The following INPP4B variants were observed in gnomAD, a reference collection of about 807,000 sequenced individuals.
INPP4B encodes inositol polyphosphate 4-phosphatase type II.
Under a neutral mutation model 122.5 loss-of-function variants are expected in INPP4B, and 55 were observed. The observed-to-expected ratio is 0.45, with a 90% confidence interval of 0.36 to 0.56. The LOEUF is 0.56. Among genes scored for constraint, INPP4B ranks in the 20% least tolerant of loss-of-function variants. The pLI, the probability that INPP4B is intolerant of heterozygous loss-of-function variation, is 0.00. For missense variants in INPP4B, 1,000 were observed against 1,097.7 expected (o/e 0.91, Z 1.26); for synonymous variants, 403 against 388.7 (o/e 1.04, Z -0.43).
intron 6 of INPP4B, among the ~76,000 whole-genome samples, chr4:142,404,273 C>T (rs550284710): frequency 6.6e-6 from 1 of 152,116 alleles, no homozygotes; most frequent in Non-Finnish European, 1.5e-5. Context: ...ATTCCACCAC[C>T]GCATCAAAGC....
At chr4:142,269,838 ATTGT>A (rs1296176923) in intron 10 of INPP4B, among the ~76,000 whole-genome samples, 1 of 152,174 alleles carries the variant, frequency 6.6e-6, no homozygotes, top group Non-Finnish European at 1.5e-5. Flanking sequence ...ATATACAATG[ATTGT>A]TTATTAAAAA....
chr4:142,562,869 G>T (rs1216128580), intron 2 of INPP4B, among the ~76,000 whole-genome samples: 1 of 152,060 alleles, frequency 6.6e-6, no homozygotes, highest in East Asian at 1.9e-4. Context: ...AGGTGGATAA[G>T]AAAATCAGAC....
At chr4:142,632,593 T>A (rs1472739367) in intron 2 of INPP4B, among the ~76,000 whole-genome samples, 1 of 152,034 alleles carries the variant, frequency 6.6e-6, no homozygotes, top group African/African-American at 2.4e-5. Context: ...TATGCGAATA[T>A]CTACATAAAT....
At chr4:142,705,007 C>T (rs1451032658) in intron 2 of INPP4B, among the ~76,000 whole-genome samples, 2 of 152,140 alleles carry the variant, frequency 1.3e-5, no homozygotes, top group Non-Finnish European at 2.9e-5. Context: ...ATTACAGAAA[C>T]GTTTACTCTT....
chr4:142,604,188 T>C (rs535964444), intron 2 of INPP4B, among the ~76,000 whole-genome samples: 3 of 152,232 alleles, frequency 2.0e-5, no homozygotes, highest in African/African-American at 7.2e-5. Flanking sequence ...CTGTTCATGA[T>C]AAAAACTTCT....
chr4:142,555,896 C>T (rs930367842), intron 2 of INPP4B, among the ~76,000 whole-genome samples: 20 of 146,878 alleles, frequency 1.4e-4, no homozygotes, highest in Non-Finnish European at 2.7e-4. Flanking sequence ...AATTAAAAAG[C>T]ATTTCTATGT....
chr4:142,247,218 G>A (rs542928572), intron 11 of INPP4B, among the ~76,000 whole-genome samples: 3 of 152,228 alleles, frequency 2.0e-5, no homozygotes, highest in South Asian at 2.1e-4. Context: ...GAGGATTTTC[G>A]CATCAATATT....
At chr4:142,267,835 T>C (rs1743561370) in intron 10 of INPP4B, among the ~76,000 whole-genome samples, 1 of 151,904 alleles carries the variant, frequency 6.6e-6, no homozygotes, top group South Asian at 2.1e-4. Context: ...ATATTCAAAA[T>C]ATATAAGAAA....
rs536825922 is a variant in INPP4B at position 142,025,083 on chromosome 4, A to T, written c.*3699T>A. On this transcript the variant is annotated 3_prime_UTR_variant, in exon 26 of 26. Transcript: ENST00000262992. ...TGCCTCCAATAATTTATTTCCTAAT[A>T]AAAAAAAAAGAATATGGCATTCATT... 4 of 147,992 alleles carry T rather than the reference A, an allele frequency of 2.7e-5. No homozygotes were observed. Among genetic ancestry groups the T allele is most frequent in the African/African-American group, 7.5e-5 (3 of 39,842 alleles). The allele number at this position is 147,992 out of a possible 1,614,324, so 9.2% of individuals were successfully genotyped here.
chr4:142,411,953 A>G (rs1804685983), intron 5 of INPP4B, among the ~76,000 whole-genome samples: 1 of 152,116 alleles, frequency 6.6e-6, no homozygotes, highest in African/African-American at 2.4e-5. Flanking sequence ...CACCTCCCTC[A>G]ATAGCACCAT....
chr4:142,339,689 GA>G (rs771828319), intron 7 of INPP4B, among the ~76,000 whole-genome samples: 2 of 152,094 alleles, frequency 1.3e-5, no homozygotes, highest in South Asian at 2.1e-4. Flanking sequence ...ATTTTGTACA[GA>G]AAAGTGAATT....
intron 2 of INPP4B, among the ~76,000 whole-genome samples, chr4:142,463,987 G>C (rs1303913449): frequency 6.6e-6 from 1 of 152,060 alleles, no homozygotes; most frequent in Non-Finnish European, 1.5e-5. Context: ...AAGTCTTGGG[G>C]ACCCCCAATA....
At chr4:142,064,625 C>G (rs1261789033) in intron 25 of INPP4B, among the ~76,000 whole-genome samples, 1 of 151,942 alleles carries the variant, frequency 6.6e-6, no homozygotes, top group Admixed American at 6.6e-5. Context: ...GCATTTTTCC[C>G]TTTTTTTCTG....
chr4:142,623,376 CCCA>C (rs1219164045), intron 2 of INPP4B, among the ~76,000 whole-genome samples: 4 of 151,810 alleles, frequency 2.6e-5, no homozygotes, highest in African/African-American at 9.7e-5. Context: ...CCAGAAAGTC[CCCA>C]CCACATGACT....
intron 1 of INPP4B, among the ~76,000 whole-genome samples, chr4:142,827,894 A>T (rs1561115143): frequency 6.6e-6 from 1 of 152,166 alleles, no homozygotes; most frequent in Non-Finnish European, 1.5e-5. Context: ...CCACATAAAG[A>T]TTATGGTAGT....
At chr4:142,583,897 A>C (rs1196884630) in intron 2 of INPP4B, among the ~76,000 whole-genome samples, 4 of 152,032 alleles carry the variant, frequency 2.6e-5, no homozygotes, top group African/African-American at 9.7e-5. Flanking sequence ...TAGATATTAA[A>C]TAATTAATTT....
intron 7 of INPP4B, among the ~76,000 whole-genome samples, chr4:142,333,436 T>C (rs1279176250): frequency 6.6e-6 from 1 of 152,232 alleles, no homozygotes; most frequent in Non-Finnish European, 1.5e-5. Context: ...ACCAAATCTT[T>C]CCTTTCTCGC....
At chr4:142,038,720 A>AGTG (rs1426992829) in intron 25 of INPP4B, among the ~76,000 whole-genome samples, 2 of 152,216 alleles carry the variant, frequency 1.3e-5, no homozygotes, top group East Asian at 3.9e-4. Flanking sequence ...TTTATGATTA[A>AGTG]GTGGTTGTTG....
intron 9 of INPP4B, among the ~76,000 whole-genome samples, chr4:142,278,774 T>C (rs1366492222): frequency 6.6e-6 from 1 of 151,872 alleles, no homozygotes; most frequent in Non-Finnish European, 1.5e-5. Flanking sequence ...AAGTGACTTC[T>C]TAATATTGTT....
Sources: gnomAD v4.1 joint callset for allele counts (sites outside exome capture counted in the v4.1 genomes callset) on GRCh38, gnomAD v4.1.1 for gene constraint, MANE v1.5 for transcripts, NCBI Gene and HGNC (gene_info 2026-07-23, HGNC 2026-07-21) for gene names.